AP3B1: variants seen among roughly 807,000 people sequenced by gnomAD.
The protein encoded by AP3B1 is adaptor related protein complex 3 subunit beta 1, also known as AP-3 complex subunit beta-1.
AP3B1 carries 61 observed loss-of-function variants against 132.5 expected under a neutral mutation model. The ratio of observed to expected loss-of-function variants is 0.46; its 90% CI spans 0.37 to 0.57. The LOEUF (loss-of-function observed/expected upper bound fraction) is 0.57. Ranked by LOEUF, AP3B1 falls within the 20% of genes least tolerant of loss-of-function variation. The pLI, the probability that AP3B1 is intolerant of heterozygous loss-of-function variation, is 0.00. For missense variants in AP3B1, 1,120 were observed against 1,289.4 expected (o/e 0.87, Z 2.01); for synonymous variants, 388 against 438.3 (o/e 0.89, Z 1.43).
chr5:78,097,827 G>A (rs1750939427), intron 21 of AP3B1, among the ~76,000 whole-genome samples: 1 of 152,234 alleles, frequency 6.6e-6, no homozygotes, highest in South Asian at 2.1e-4. Flanking sequence ...GTGGTTTTGT[G>A]GAATAGAAAG....
intron 22 of AP3B1, among the ~76,000 whole-genome samples, chr5:78,073,389 A>G (rs1749627519): frequency 6.6e-6 from 1 of 152,214 alleles, no homozygotes; most frequent in Non-Finnish European, 1.5e-5. Flanking sequence ...AATATTTGCT[A>G]TATGATTGAC....
intron 1 of AP3B1, among the ~76,000 whole-genome samples, chr5:78,284,471 T>C (rs1749188832): frequency 6.6e-6 from 1 of 152,188 alleles, no homozygotes. Flanking sequence ...GTTGTTTACT[T>C]TCCTAATAGC....
At chr5:78,004,211 G>A (rs754209196) in intron 26 of AP3B1, among the ~76,000 whole-genome samples, 1 of 152,150 alleles carries the variant, frequency 6.6e-6, no homozygotes, top group Non-Finnish European at 1.5e-5. Flanking sequence ...CCTGACAACA[G>A]CTCACAATAC....
chr5:78,051,834 C>A (rs570225434), intron 22 of AP3B1, among the ~76,000 whole-genome samples: 1 of 151,992 alleles, frequency 6.6e-6, no homozygotes, highest in Non-Finnish European at 1.5e-5. Flanking sequence ...TAAACAGAGG[C>A]ACAGCTTCAT....
chr5:78,085,759 G>C (rs1005909671), intron 22 of AP3B1, among the ~76,000 whole-genome samples: 2 of 152,054 alleles, frequency 1.3e-5, no homozygotes, highest in African/African-American at 2.4e-5. Context: ...GTTAACCATG[G>C]TGAACGTGAC....
intron 1 of AP3B1, among the ~76,000 whole-genome samples, chr5:78,283,291 C>T (rs1397591001): frequency 2.0e-5 from 3 of 152,112 alleles, no homozygotes; most frequent in Non-Finnish European, 4.4e-5. Flanking sequence ...TGTGTCTAAC[C>T]GTCATACCAC....
chr5:78,106,321 G>A (rs1282444931), intron 20 of AP3B1, among the ~76,000 whole-genome samples: 2 of 152,102 alleles, frequency 1.3e-5, no homozygotes, highest in East Asian at 1.9e-4. Context: ...AGCCAAGCAT[G>A]GTAGTGCATG....
At chr5:78,065,116 C>T (rs948149634) in intron 22 of AP3B1, among the ~76,000 whole-genome samples, 16 of 152,200 alleles carry the variant, frequency 1.1e-4, no homozygotes, top group African/African-American at 3.6e-4. Flanking sequence ...CTTCCACCCC[C>T]AGCCAAGGGA....
chr5:78,265,090 AAAT>A (rs1748262160), intron 2 of AP3B1, among the ~76,000 whole-genome samples: 2 of 152,220 alleles, frequency 1.3e-5, no homozygotes, highest in African/African-American at 2.4e-5. Flanking sequence ...GAAAGTGAAA[AAAT>A]AATAAAAATC....
intron 22 of AP3B1, among the ~76,000 whole-genome samples, chr5:78,041,694 A>G (rs544692812): frequency 9.2e-5 from 14 of 152,166 alleles, no homozygotes; most frequent in Non-Finnish European, 1.6e-4. Context: ...TATTCATTCT[A>G]TTTAAGCCTT....
chr5:78,165,844 G>A (rs1305612476), intron 11 of AP3B1, among the ~76,000 whole-genome samples, 172 bp from the exon 12 acceptor site: 2 of 152,144 alleles, frequency 1.3e-5, no homozygotes, highest in African/African-American at 2.4e-5. Flanking sequence ...CGAGGCGGGC[G>A]GATCACCTGA....
At chr5:78,003,216 A>G (rs1172901629) in intron 26 of AP3B1, 161 bp from the exon 27 acceptor site, 21 of 835,494 alleles carry the variant, frequency 2.5e-5, no homozygotes, top group Non-Finnish European at 3.7e-5. Flanking sequence ...CTTCTGAAAA[A>G]TCAATAAACT....
intron 7 of AP3B1, among the ~76,000 whole-genome samples, chr5:78,210,818 T>C (rs1051334080): frequency 2.0e-5 from 3 of 152,130 alleles, no homozygotes; most frequent in Non-Finnish European, 4.4e-5. Flanking sequence ...TAAAATTTAC[T>C]CTGTGTTTTA....
chr5:78,157,316 T>C (rs1743194238), intron 13 of AP3B1, among the ~76,000 whole-genome samples: 1 of 152,218 alleles, frequency 6.6e-6, no homozygotes, highest in Non-Finnish European at 1.5e-5. Context: ...TGGTTTCCCT[T>C]AATCCTGACC....
rs568961122 is a variant in AP3B1, at chr5:78,144,447, C to G, written c.1474-3128G>C. On this transcript the variant is annotated intron_variant, in intron 14 of 26. Transcript: ENST00000255194. ...AAAAGCTATTGTGTTTCAACACCAGCCCACTGCACAGTGCAACAGTCCAAA... is the reference window on the plus strand; with the variant it reads ...AAAAGCTATTGTGTTTCAACACCAGGCCACTGCACAGTGCAACAGTCCAAA... Among the ~76,000 whole-genome samples the G allele has an allele frequency of 2.6e-5, 4 of 152,316 alleles. No individual in the cohort carries two copies. The South Asian group carries it at 8.3e-4, about 32-fold the overall frequency.
chr5:78,202,963 G>A (rs921225571), intron 7 of AP3B1, among the ~76,000 whole-genome samples: 9 of 152,128 alleles, frequency 5.9e-5, no homozygotes, highest in Non-Finnish European at 1.0e-4. Flanking sequence ...GGCATGTACC[G>A]ATTTCTCCAT....
At chr5:78,098,848 A>G (rs781756692) in intron 21 of AP3B1, among the ~76,000 whole-genome samples, 1 of 152,244 alleles carries the variant, frequency 6.6e-6, no homozygotes, top group Non-Finnish European at 1.5e-5. Flanking sequence ...GAAAGAGACA[A>G]TAATCAAGTA....
At chr5:78,265,976 G>C (rs1748305643) in intron 2 of AP3B1, among the ~76,000 whole-genome samples, 1 of 152,160 alleles carries the variant, frequency 6.6e-6, no homozygotes, top group African/African-American at 2.4e-5. Context: ...GGGAGACAAA[G>C]AGGCAACACA....
At chr5:78,069,930 A>G (rs966848871) in intron 22 of AP3B1, among the ~76,000 whole-genome samples, 1 of 152,166 alleles carries the variant, frequency 6.6e-6, no homozygotes, top group Admixed American at 6.5e-5. Flanking sequence ...AAAATGGAGA[A>G]CTCAGAAATA....
Sources: allele counts gnomAD v4.1 joint callset (sites outside exome capture counted in the v4.1 genomes callset), GRCh38; gene constraint gnomAD v4.1.1; transcripts MANE v1.5; gene names NCBI Gene and HGNC (gene_info 2026-07-23, HGNC 2026-07-21).